Variants in CCDC85B observed in about 807,000 individuals in gnomAD.
CCDC85B encodes the protein coiled-coil domain containing 85B.
CCDC85B carries 8 observed loss-of-function variants against 13.6 expected under a neutral mutation model. The observed-to-expected ratio is 0.59, with a 90% CI of 0.35 to 1.06. The LOEUF is 1.06. Among genes scored for constraint, CCDC85B ranks in the 50% least tolerant of loss-of-function variants. The pLI, the probability that CCDC85B is intolerant of heterozygous loss-of-function variation, is 0.02. For synonymous variants in CCDC85B, 118 were observed against 135.9 expected, an observed-to-expected ratio of 0.87 and a Z score of 0.92; for missense variants, 217 against 285.9, an observed-to-expected ratio of 0.76 and a Z score of 1.74.
rs1020831600 is a variant in CCDC85B, at chr11:65,890,823, G to T, written c.40G>T (p.Glu14Ter). The change falls in exon 1 of 1, where the codon GAG becomes TAG. Residue 14 changes from glutamate (E) to a stop codon, truncating the protein, a stop_gained. Coordinates refer to ENST00000312579, the MANE Select transcript of CCDC85B (RefSeq NM_006848.3). LOFTEE classifies it high-confidence loss of function. Reference sequence around the variant, plus strand: ...AGGCGGCCTGGAGGAGCTGACGGACGAGGAGATGGCGGCGCTAGGCAAGGA... The same window carrying T: ...AGGCGGCCTGGAGGAGCTGACGGACTAGGAGATGGCGGCGCTAGGCAAGGA... ...EAGGLEELTD[E>*]EMAALGKEEL... The T allele has an allele frequency of 1.3e-6, 2 of 1,518,600 alleles. No individual in the cohort carries two copies. Among genetic ancestry groups the T allele is most frequent in the African/African-American group, 2.8e-5 (2 of 70,474 alleles). The allele number at this position is 1,518,600 out of a possible 1,614,324, so 94.1% of individuals were successfully genotyped here. A position where few individuals can be genotyped will look rare whatever the true frequency, so the allele number is the denominator to read the frequency against.
chr11:65,891,053 C>T lies in CCDC85B; in HGVS notation c.270C>T (p.Arg90=), dbSNP rs767337508. ...LCCFLDSERQ[R]GRRAARQWQL... Reference sequence around the variant, plus strand: ...GCTTCCTGGACTCGGAGCGCCAGCGCGGGCGGCGCGCCGCACGCCAGTGGC... The same window carrying T: ...GCTTCCTGGACTCGGAGCGCCAGCGTGGGCGGCGCGCCGCACGCCAGTGGC... The change falls in exon 1 of 1, where the codon CGC becomes CGT. Residue 90 remains arginine, a synonymous_variant. Coordinates refer to ENST00000312579, the MANE Select transcript of CCDC85B (RefSeq NM_006848.3). The surrounding 1 kb of genome is among the most constrained non-coding windows in gnomAD (Gnocchi z 7.3). 176 of 1,541,772 alleles carry T rather than the reference C, an allele frequency of 1.1e-4. No individual in the cohort carries two copies. The highest frequency in any genetic ancestry group is 1.4e-4 in the Non-Finnish European group (162 of 1,152,300).
chr11:65,891,529 A>G lies in CCDC85B; in HGVS notation c.*137A>G. The G allele has an allele frequency of 1.0e-6, 1 of 956,638 alleles. No homozygotes were observed. The highest frequency in any genetic ancestry group is 1.4e-6 in the Non-Finnish European group (1 of 689,814). 59.3% of individuals were successfully genotyped at this position (956,638 alleles called of 1,614,324 possible). On this transcript the variant is annotated 3_prime_UTR_variant, in exon 1 of 1. Coordinates refer to ENST00000312579, the MANE Select transcript of CCDC85B (RefSeq NM_006848.3). The surrounding 1 kb of genome is among the most constrained non-coding windows in gnomAD (Gnocchi z 7.3). ...CATGGACTAAGAAATCCTGACACCA[A>G]GAAGGGCCCCTCGCTCTTGCTGGCA...
rs1860369931 is a variant in CCDC85B, at chr11:65,890,690, G to C, written c.-94G>C. The stretch of plus-strand genomic sequence containing the variant: ...GCCTCGGCCACTGCCTGCCGCGTGC[G>C]GAGCCGGAGCCCGAGCCTGAGTGGC... On this transcript the variant is annotated 5_prime_UTR_variant, in exon 1 of 1. Coordinates refer to ENST00000312579, the MANE Select transcript of CCDC85B (RefSeq NM_006848.3). The C allele has an allele frequency of 4.7e-6, 6 of 1,290,246 alleles. No individual in the cohort carries two copies. The highest frequency in any genetic ancestry group is 1.6e-5 in the African/African-American group (1 of 64,094). The allele number at this position is 1,290,246 out of a possible 1,614,324, so 79.9% of individuals were successfully genotyped here.
At position 65,891,487 on chromosome 11, in the gene CCDC85B, G is replaced by A; in HGVS notation, c.*95G>A. On this transcript the variant is annotated 3_prime_UTR_variant, in exon 1 of 1. Transcript: ENST00000312579. The surrounding 1 kb of genome is among the most constrained non-coding windows in gnomAD (Gnocchi z 7.3). ...GGGACCTGGACGCCGTCCTGGCTGC[G>A]CAGGAGGGGCCGCTGGCATGGACTA... The A allele has an allele frequency of 1.5e-6, 2 of 1,348,396 alleles. No individual in the cohort carries two copies. The highest frequency in any genetic ancestry group is 9.8e-7 in the Non-Finnish European group (1 of 1,020,842). 83.5% of individuals were successfully genotyped at this position (1,348,396 alleles called of 1,614,324 possible).
In CCDC85B at chr11:65,891,452, T is replaced by C; in HGVS notation, c.*60T>C. The C allele has an allele frequency of 6.7e-7, 1 of 1,482,006 alleles. No homozygotes were observed. Among genetic ancestry groups the C allele is most frequent in the Non-Finnish European group, 8.9e-7 (1 of 1,117,560 alleles). The allele number at this position is 1,482,006 out of a possible 1,614,324, so 91.8% of individuals were successfully genotyped here. ...ATTGCTCCCCGAGCCCCGGGACCGC[T>C]GTGGACCTCGGGACCTGGACGCCGT... On this transcript the variant is annotated 3_prime_UTR_variant, in exon 1 of 1. Coordinates refer to ENST00000312579, the MANE Select transcript of CCDC85B (RefSeq NM_006848.3). This position sits in a 1 kb window ranked among gnomAD's most constrained non-coding sequence, Gnocchi z 7.3.
chr11:65,891,569 C>CT lies in CCDC85B; in HGVS notation c.*178dup. On this transcript the variant is annotated 3_prime_UTR_variant, in exon 1 of 1. Coordinates refer to ENST00000312579, the MANE Select transcript of CCDC85B (RefSeq NM_006848.3). This position sits in a 1 kb window ranked among gnomAD's most constrained non-coding sequence, Gnocchi z 7.3. ...TCTTGCTGGCAGGGCAGCAGGGGGA[C>CT]TGAAGGCTGGAGCGGAGGGACTTGC... 1 of 693,608 alleles carries CT rather than the reference C, an allele frequency of 1.4e-6. No homozygotes were observed. The highest frequency in any genetic ancestry group is 2.2e-6 in the Non-Finnish European group (1 of 455,034). The allele number at this position is 693,608 out of a possible 1,614,324, so 43.0% of individuals were successfully genotyped here.
Position 65,891,116 on chromosome 11 carries a change from G to A in CCDC85B, c.333G>A (p.Glu111=), listed in dbSNP as rs1336007936. The A allele has an allele frequency of 6.4e-7, 1 of 1,570,806 alleles. No homozygotes were observed. Among genetic ancestry groups the A allele is most frequent in the South Asian group, 1.2e-5 (1 of 86,026 alleles). Residue 111 remains glutamate (E), a synonymous_variant, in exon 1 of 1, where the codon GAG becomes GAA. Transcript: ENST00000312579. The surrounding 1 kb of genome is among the most constrained non-coding windows in gnomAD (Gnocchi z 7.3). ...CCCAAGCATCCCGGGCCGTGCGCGA[G>A]GACCTGGGCGGCTGTTGGCAGAAGC... ...FGTQASRAVR[E]DLGGCWQKLA... is the part of the protein sequence containing the mutation.
At position 65,891,278 on chromosome 11, in the gene CCDC85B, A is replaced by G. The variant is rs1456790413; in HGVS notation, c.495A>G (p.Ala165=). The change falls in exon 1 of 1, where the codon GCA becomes GCG. Residue 165 remains alanine, a synonymous_variant. Transcript: ENST00000312579. The surrounding 1 kb of genome is among the most constrained non-coding windows in gnomAD (Gnocchi z 7.3). ...SGAGGSGAGP[A]PELALPPCGP... ...CCGGGGGATCAGGAGCCGGGCCAGC[A>G]CCCGAGCTTGCCTTGCCCCCGTGCG... The G allele has an allele frequency of 6.4e-7, 1 of 1,556,936 alleles. No individual in the cohort carries two copies. Among genetic ancestry groups the G allele is most frequent in the Admixed American group, 1.9e-5 (1 of 51,320 alleles).
chr11:65,891,478 C>T lies in CCDC85B; in HGVS notation c.*86C>T, dbSNP rs983689399. The T allele has an allele frequency of 7.1e-7, 1 of 1,413,168 alleles. No homozygotes were observed. Among genetic ancestry groups the T allele is most frequent in the African/African-American group, 1.5e-5 (1 of 66,140 alleles). 87.5% of individuals were successfully genotyped at this position (1,413,168 alleles called of 1,614,324 possible). On this transcript the variant is annotated 3_prime_UTR_variant, in exon 1 of 1. Coordinates refer to ENST00000312579, the MANE Select transcript of CCDC85B (RefSeq NM_006848.3). The surrounding 1 kb of genome is among the most constrained non-coding windows in gnomAD (Gnocchi z 7.3). ...GTGGACCTCGGGACCTGGACGCCGT[C>T]CTGGCTGCGCAGGAGGGGCCGCTGG...
In CCDC85B at chr11:65,891,563, G is replaced by A. The variant is rs922000289; in HGVS notation, c.*171G>A. 1.4e-5 allele frequency: 10 copies of A among 734,454 alleles called. No homozygotes were observed. Among genetic ancestry groups the A allele is most frequent in the Non-Finnish European group, 2.0e-5 (10 of 489,764 alleles). 45.5% of individuals were successfully genotyped at this position (734,454 alleles called of 1,614,324 possible). The stretch of plus-strand genomic sequence containing the variant: ...CCTCGCTCTTGCTGGCAGGGCAGCA[G>A]GGGGACTGAAGGCTGGAGCGGAGGG... On this transcript the variant is annotated 3_prime_UTR_variant, in exon 1 of 1. Transcript: ENST00000312579. This position sits in a 1 kb window ranked among gnomAD's most constrained non-coding sequence, Gnocchi z 7.3.
In CCDC85B at chr11:65,891,102, C is replaced by T. The variant is rs779343719; in HGVS notation, c.319C>T (p.Arg107Trp). Residue 107 changes from arginine to tryptophan, a missense_variant, in exon 1 of 1, where the codon CGG (arginine) becomes TGG (tryptophan). Coordinates refer to ENST00000312579, the MANE Select transcript of CCDC85B (RefSeq NM_006848.3). This position sits in a 1 kb window ranked among gnomAD's most constrained non-coding sequence, Gnocchi z 7.3. ...GCAGCTCTTCGGGACCCAAGCATCC[C>T]GGGCCGTGCGCGAGGACCTGGGCGG... is the stretch of plus-strand genomic sequence containing the variant. ...QWQLFGTQASRAVREDLGGCW... is the reference protein window; with the variant it reads ...QWQLFGTQASWAVREDLGGCW... 4 of 1,570,786 alleles carry T rather than the reference C, an allele frequency of 2.5e-6. No homozygotes were observed. The South Asian group carries it at 4.6e-5, about 18-fold the overall frequency.
chr11:65,891,563 G>C lies in CCDC85B; in HGVS notation c.*171G>C, dbSNP rs922000289. 1.4e-6 allele frequency: 1 copy of C among 734,456 alleles called. No homozygotes were observed. Among genetic ancestry groups the C allele is most frequent in the Non-Finnish European group, 2.0e-6 (1 of 489,764 alleles). The allele number at this position is 734,456 out of a possible 1,614,324, so 45.5% of individuals were successfully genotyped here. On this transcript the variant is annotated 3_prime_UTR_variant, in exon 1 of 1. Transcript: ENST00000312579. This position sits in a 1 kb window ranked among gnomAD's most constrained non-coding sequence, Gnocchi z 7.3. The stretch of plus-strand genomic sequence containing the variant: ...CCTCGCTCTTGCTGGCAGGGCAGCA[G>C]GGGGACTGAAGGCTGGAGCGGAGGG...
chr11:65,891,094 A>G lies in CCDC85B; in HGVS notation c.311A>G (p.Gln104Arg). The G allele has an allele frequency of 6.4e-7, 1 of 1,569,946 alleles. No individual in the cohort carries two copies. Among genetic ancestry groups the G allele is most frequent in the Non-Finnish European group, 8.6e-7 (1 of 1,164,070 alleles). ...CGCCAGTGGCAGCTCTTCGGGACCC[A>G]AGCATCCCGGGCCGTGCGCGAGGAC... ...AARQWQLFGT[Q>R]ASRAVREDLG... Residue 104 changes from glutamine to arginine, a missense_variant, in exon 1 of 1, where the codon CAA (glutamine) becomes CGA (arginine). Transcript: ENST00000312579. This position sits in a 1 kb window ranked among gnomAD's most constrained non-coding sequence, Gnocchi z 7.3.
Position 65,891,345 on chromosome 11 carries a change from G to C in CCDC85B, c.562G>C (p.Val188Leu), listed in dbSNP as rs1860382323. The C allele has an allele frequency of 5.6e-6, 9 of 1,606,578 alleles. No homozygotes were observed. Among genetic ancestry groups the C allele is most frequent in the Non-Finnish European group, 7.6e-6 (9 of 1,177,590 alleles). Residue 188 changes from valine (V) to leucine (L), a missense_variant, in exon 1 of 1, where the codon GTG becomes CTG. By Grantham distance (32) the Val-to-Leu change is conservative (BLOSUM62 1). Coordinates refer to ENST00000312579, the MANE Select transcript of CCDC85B (RefSeq NM_006848.3). The surrounding 1 kb of genome is among the most constrained non-coding windows in gnomAD (Gnocchi z 7.3). ...LGDGSSSTGS[V>L]GSPDQLPLAC... is the part of the protein sequence containing the mutation. ...CGATGGAAGCTCCAGCACTGGCAGC[G>C]TGGGCAGTCCGGATCAGTTGCCCCT...
rs1349917894 is a variant in CCDC85B at position 65,890,700 on chromosome 11, C to A, written c.-84C>A. 1.5e-6 allele frequency: 2 copies of A among 1,327,270 alleles called. No homozygotes were observed. The highest frequency in any genetic ancestry group is 2.8e-4 in the Middle Eastern group (1 of 3,586). The allele number at this position is 1,327,270 out of a possible 1,614,324, so 82.2% of individuals were successfully genotyped here. A position where few individuals can be genotyped will look rare whatever the true frequency, so the allele number is the denominator to read the frequency against. ...CTGCCTGCCGCGTGCGGAGCCGGAG[C>A]CCGAGCCTGAGTGGCGCCGGGCCCG... On this transcript the variant is annotated 5_prime_UTR_variant, in exon 1 of 1. Transcript: ENST00000312579.
Position 65,891,055 on chromosome 11 carries a change from G to C in CCDC85B, c.272G>C (p.Gly91Ala). 1.9e-6 allele frequency: 3 copies of C among 1,546,008 alleles called. 1 individual carries two copies. In the South Asian group the frequency reaches 3.6e-5, roughly 18 times the overall value. ...TTCCTGGACTCGGAGCGCCAGCGCG[G>C]GCGGCGCGCCGCACGCCAGTGGCAG... ...CCFLDSERQR[G>A]RRAARQWQLF... Residue 91 changes from glycine (G) to alanine (A), a missense_variant, in exon 1 of 1, where the codon GGG becomes GCG. By Grantham distance (60) the Gly-to-Ala change is moderately conservative (BLOSUM62 0). Coordinates refer to ENST00000312579, the MANE Select transcript of CCDC85B (RefSeq NM_006848.3). The surrounding 1 kb of genome is among the most constrained non-coding windows in gnomAD (Gnocchi z 7.3).
rs753034013 is a variant in CCDC85B, at chr11:65,891,334, G to A, written c.551G>A (p.Ser184Asn). Residue 184 changes from serine (S) to asparagine (N), a missense_variant, in exon 1 of 1, where the codon AGC becomes AAC. Transcript: ENST00000312579. The surrounding 1 kb of genome is among the most constrained non-coding windows in gnomAD (Gnocchi z 7.3). ...GPRDLGDGSS[S>N]TGSVGSPDQL... is the part of the protein sequence containing the mutation. ...CGCGACCTAGGCGATGGAAGCTCCA[G>A]CACTGGCAGCGTGGGCAGTCCGGAT... 1 of 1,606,282 alleles carries A rather than the reference G, an allele frequency of 6.2e-7. No homozygotes were observed. The highest frequency in any genetic ancestry group is 1.7e-5 in the Admixed American group (1 of 59,700).
chr11:65,890,706 C>A lies in CCDC85B; in HGVS notation c.-78C>A. ...GCCGCGTGCGGAGCCGGAGCCCGAG[C>A]CTGAGTGGCGCCGGGCCCGACGTGG... On this transcript the variant is annotated 5_prime_UTR_variant, in exon 1 of 1. Transcript: ENST00000312579. 7.5e-7 allele frequency: 1 copy of A among 1,336,550 alleles called. No homozygotes were observed. 82.8% of individuals were successfully genotyped at this position (1,336,550 alleles called of 1,614,324 possible).
In CCDC85B at chr11:65,890,695, C is replaced by G. The variant is rs960237952; in HGVS notation, c.-89C>G. The G allele has an allele frequency of 1.8e-5, 24 of 1,312,110 alleles. No individual in the cohort carries two copies. Among genetic ancestry groups the G allele is most frequent in the East Asian group, 6.3e-5 (2 of 31,706 alleles). The allele number at this position is 1,312,110 out of a possible 1,614,324, so 81.3% of individuals were successfully genotyped here. ...GGCCACTGCCTGCCGCGTGCGGAGC[C>G]GGAGCCCGAGCCTGAGTGGCGCCGG... On this transcript the variant is annotated 5_prime_UTR_variant, in exon 1 of 1. Coordinates refer to ENST00000312579, the MANE Select transcript of CCDC85B (RefSeq NM_006848.3).
Sources: allele counts gnomAD v4.1 joint callset, GRCh38; gene constraint gnomAD v4.1.1; non-coding constraint Gnocchi (gnomAD v3.1); transcripts MANE v1.5; gene names NCBI Gene and HGNC (gene_info 2026-07-23, HGNC 2026-07-21).